The following SYT14 variants were observed in gnomAD, a reference collection of about 807,000 sequenced individuals.
SYT14 encodes synaptotagmin-14.
Under a neutral mutation model 74.2 loss-of-function variants are expected in SYT14, and 32 were observed. That is an observed-to-expected ratio of 0.43 (90% CI 0.33 to 0.58). The LOEUF (loss-of-function observed/expected upper bound fraction) is 0.58. Ranked by LOEUF, SYT14 falls within the 20% of genes least tolerant of loss-of-function variation. SYT14 has a pLI of 0.05. For synonymous variants in SYT14, 298 were observed against 337.7 expected, an observed-to-expected ratio of 0.88 and a Z score of 1.29; for missense variants, 791 against 981.8, an observed-to-expected ratio of 0.81 and a Z score of 2.60.
chr1:210,157,151 T>C (rs1347572697), intron 8 of SYT14, among the ~76,000 whole-genome samples: 1 of 152,004 alleles, frequency 6.6e-6, no homozygotes, highest in African/African-American at 2.4e-5. Context: ...GTAATTATTA[T>C]AGGAGGGGGT....
intron 4 of SYT14, 22 bp from the exon 4 acceptor site, chr1:210,021,017 T>C (rs2080290252): frequency 2.5e-6 from 4 of 1,610,450 alleles, no homozygotes; most frequent in Admixed American, 1.7e-5. Context: ...TTACCGTTTG[T>C]TCTTCATGTC....
chr1:209,994,648 A>G lies in SYT14; in HGVS notation c.-485-18985A>G, dbSNP rs996012204. ...CCAATAAATACAGAGAACACCAGCT[A>G]GATACTATAGACAGGAACCGTCACC... On this transcript the variant is annotated intron_variant, in intron 2 of 9. Coordinates refer to ENST00000637265, the Ensembl canonical transcript of SYT14. 5.3e-5 allele frequency among the ~76,000 whole-genome samples: 8 copies of G among 152,144 alleles called. No homozygotes were observed. The East Asian group carries it at 9.6e-4, about 18-fold the overall frequency.
chr1:210,101,991 G>T (rs554630953), intron 7 of SYT14, among the ~76,000 whole-genome samples: 1 of 152,132 alleles, frequency 6.6e-6, no homozygotes, highest in African/African-American at 2.4e-5. Context: ...CCTACATTAC[G>T]TGTGTTAGCT....
intron 5 of SYT14, among the ~76,000 whole-genome samples, chr1:210,064,964 T>C (rs2081270288): frequency 6.6e-6 from 1 of 152,086 alleles, no homozygotes; most frequent in African/African-American, 2.4e-5. Flanking sequence ...TGGTAGCCAT[T>C]CTAGTGGGTA....
intron 2 of SYT14, among the ~76,000 whole-genome samples, chr1:209,984,915 C>T (rs1042620926): frequency 4.6e-5 from 7 of 152,140 alleles, no homozygotes; most frequent in African/African-American, 1.7e-4. Context: ...TGTGAGTACT[C>T]ACTATTTCAA....
exon 10 of SYT14, chr1:210,162,983 T>C (rs913450033): frequency 7.1e-5 from 32 of 452,514 alleles, no homozygotes; most frequent in African/African-American, 5.8e-4. Flanking sequence ...TGGCAAAATA[T>C]CTCATTTAAG....
chr1:209,964,422 A>C (rs543399485), intron 2 of SYT14, among the ~76,000 whole-genome samples: 1 of 152,064 alleles, frequency 6.6e-6, no homozygotes, highest in African/African-American at 2.4e-5. Context: ...TTTTCTTTCT[A>C]TTCATCTATA....
At chr1:210,063,219 T>A (rs1049014897) in intron 5 of SYT14, among the ~76,000 whole-genome samples, 3 of 151,808 alleles carry the variant, frequency 2.0e-5, no homozygotes, top group Non-Finnish European at 4.4e-5. Context: ...CCTGTAAATC[T>A]TTGAGCTAGC....
chr1:210,032,112 A>AT (rs932088237), intron 5 of SYT14, among the ~76,000 whole-genome samples: 24 of 151,266 alleles, frequency 1.6e-4, no homozygotes, highest in Admixed American at 4.0e-4. Context: ...TCATATGGTG[A>AT]TTTTTTTTTC....
intron 2 of SYT14, among the ~76,000 whole-genome samples, chr1:209,963,643 C>G (rs941801744): frequency 6.6e-6 from 1 of 152,122 alleles, no homozygotes; most frequent in African/African-American, 2.4e-5. Flanking sequence ...TTTCATACAT[C>G]AACTGAAATA....
At chr1:209,990,551 A>ATATATATATATGTGTATATATATATACG (rs1558114685) in intron 2 of SYT14, among the ~76,000 whole-genome samples, 3 of 113,132 alleles carry the variant, frequency 2.7e-5, no homozygotes, top group African/African-American at 9.1e-5. Flanking sequence ...ATATATATGT[A>ATATATATATATGTGTATATATATATACG]TATATATACG....
At chr1:210,134,129 G>T (rs997013714) in intron 7 of SYT14, among the ~76,000 whole-genome samples, 5 of 151,834 alleles carry the variant, frequency 3.3e-5, no homozygotes. Flanking sequence ...TGGAGACAAG[G>T]TCTTGCTCTG....
chr1:210,012,472 CAAG>C (rs1355410950), intron 2 of SYT14, among the ~76,000 whole-genome samples: 1 of 152,084 alleles, frequency 6.6e-6, no homozygotes, highest in Non-Finnish European at 1.5e-5. Context: ...TCAATAAAAA[CAAG>C]GAGTGTGGTA....
chr1:210,085,961 T>C (rs1425742407), intron 5 of SYT14, among the ~76,000 whole-genome samples: 1 of 152,210 alleles, frequency 6.6e-6, no homozygotes. Flanking sequence ...TGTTATTTTT[T>C]CCCTTCTTTA....
chr1:210,042,674 G>A (rs988893093), intron 5 of SYT14, among the ~76,000 whole-genome samples: 2 of 151,992 alleles, frequency 1.3e-5, no homozygotes, highest in African/African-American at 2.4e-5. Flanking sequence ...GGTTGTAGAT[G>A]TATGGCGTGA....
At chr1:210,083,493 G>A (rs1266405529) in intron 5 of SYT14, among the ~76,000 whole-genome samples, 1 of 152,132 alleles carries the variant, frequency 6.6e-6, no homozygotes, top group Non-Finnish European at 1.5e-5. Context: ...GCTCACTGCA[G>A]CCTCAATCTC....
chr1:209,983,281 C>T (rs757076715), intron 2 of SYT14, among the ~76,000 whole-genome samples: 11 of 152,084 alleles, frequency 7.2e-5, no homozygotes, highest in Non-Finnish European at 1.5e-4. Context: ...TTGGCCATTA[C>T]TTCTTCTGAT....
At chr1:210,143,880 G>A (rs2484032) in intron 7 of SYT14, among the ~76,000 whole-genome samples, 127,294 of 152,162 alleles carry the variant, frequency 0.84, 53,391 homozygotes, top group East Asian at 0.94. Flanking sequence ...TGTAACATCT[G>A]TTAATACTGA....
rs1445279538 is a variant in SYT14, at chr1:209,997,312, T to A, written c.-485-16321T>A. 2.3e-4 allele frequency among the ~76,000 whole-genome samples: 35 copies of A among 152,126 alleles called. 1 individual carries two copies. The highest frequency in any genetic ancestry group is 2.3e-3 in the Admixed American group (35 of 15,270). On this transcript the variant is annotated intron_variant, in intron 2 of 9. Transcript: ENST00000637265. ...ATCAGTGTACAAAAATCAGTAGCAT[T>A]TCTATACACCAATAATGCCTAGACT...
Sources: allele counts gnomAD v4.1 joint callset (sites outside exome capture counted in the v4.1 genomes callset), GRCh38; gene constraint gnomAD v4.1.1; transcripts MANE v1.5; gene names NCBI Gene and HGNC (gene_info 2026-07-23, HGNC 2026-07-21).